The following EXOC6B variants were observed in gnomAD, a reference collection of about 807,000 sequenced individuals.
EXOC6B encodes exocyst complex component 6B.
In EXOC6B, 54 loss-of-function variants were observed where a neutral mutation model predicts 113.5. The ratio of observed to expected loss-of-function variants is 0.48; its 90% CI spans 0.38 to 0.60. EXOC6B has a LOEUF of 0.60. EXOC6B is among the 20% of genes least tolerant of loss of function. EXOC6B has a pLI of 0.00. For synonymous variants in EXOC6B, 357 were observed against 339.0 expected, an observed-to-expected ratio of 1.05 and a Z score of -0.58; for missense variants, 797 against 977.5, an observed-to-expected ratio of 0.82 and a Z score of 2.46.
At chr2:72,310,850 A>AATAT (rs759804146) in intron 20 of EXOC6B, among the ~76,000 whole-genome samples, 1 of 120,290 alleles carries the variant, frequency 8.3e-6, no homozygotes, top group African/African-American at 4.0e-5. Context: ...TATTTCATTT[A>AATAT]ACACACACAC....
At chr2:72,411,832 A>G (rs185890342) in intron 18 of EXOC6B, among the ~76,000 whole-genome samples, 109 of 152,332 alleles carry the variant, frequency 7.2e-4, no homozygotes, top group Non-Finnish European at 1.3e-3. Context: ...AAAACTGCCT[A>G]AAGAAATGAT....
intron 5 of EXOC6B, among the ~76,000 whole-genome samples, chr2:72,723,486 A>G (rs1380116842): frequency 6.6e-6 from 1 of 152,206 alleles, no homozygotes; most frequent in Non-Finnish European, 1.5e-5. Context: ...ATTCTTTCAC[A>G]GTGATGGTTT....
chr2:72,583,198 G>A (rs1453679424), intron 6 of EXOC6B, among the ~76,000 whole-genome samples: 1 of 152,112 alleles, frequency 6.6e-6, no homozygotes, highest in African/African-American at 2.4e-5. Context: ...CAAGAACTAT[G>A]AGATTATGTA....
chr2:72,763,937 CG>C (rs1682896552), intron 1 of EXOC6B, among the ~76,000 whole-genome samples: 1 of 149,188 alleles, frequency 6.7e-6, no homozygotes. Flanking sequence ...AAAAATTAGC[CG>C]GGTGTGGTGG....
chr2:72,588,986 C>A lies in EXOC6B; in HGVS notation c.670-13318G>T, dbSNP rs938377846. 2.6e-5 allele frequency among the ~76,000 whole-genome samples: 4 copies of A among 151,802 alleles called. No individual in the cohort carries two copies. In the East Asian group the frequency reaches 7.7e-4, roughly 29 times the overall value. ...TTAATTGCACTTACTTGATAGATTTCTTCATAGGAAAGTAAAAAATTAAAA... is the reference window on the plus strand; with the variant it reads ...TTAATTGCACTTACTTGATAGATTTATTCATAGGAAAGTAAAAAATTAAAA... On this transcript the variant is annotated intron_variant, in intron 6 of 21. Coordinates refer to ENST00000272427, the MANE Select transcript of EXOC6B (RefSeq NM_015189.3).
intron 3 of EXOC6B, among the ~76,000 whole-genome samples, chr2:72,731,788 G>A (rs769130547): frequency 8.2e-4 from 125 of 152,108 alleles, no homozygotes; most frequent in Non-Finnish European, 1.6e-3. Flanking sequence ...TATCTGCTTA[G>A]ATACCATGCA....
At chr2:72,232,844 G>A (rs1380654122) in intron 20 of EXOC6B, among the ~76,000 whole-genome samples, 1 of 152,106 alleles carries the variant, frequency 6.6e-6, no homozygotes, top group Non-Finnish European at 1.5e-5. Context: ...GGCTGAGGCG[G>A]GTGGATCACC....
intron 6 of EXOC6B, among the ~76,000 whole-genome samples, chr2:72,694,004 T>A (rs899547407): frequency 1.3e-5 from 2 of 152,198 alleles, no homozygotes; most frequent in Non-Finnish European, 2.9e-5. Context: ...GAGATACTAA[T>A]GTTGTCTACA....
chr2:72,531,170 C>A (rs1304334731), intron 8 of EXOC6B, among the ~76,000 whole-genome samples: 1 of 151,948 alleles, frequency 6.6e-6, no homozygotes, highest in African/African-American at 2.4e-5. Context: ...CCTATGGGTT[C>A]CCTAAATAAC....
rs758603001 is a variant in EXOC6B at position 72,465,058 on chromosome 2, A to G, written c.1980+102T>C. The G allele has an allele frequency of 3.2e-6, 3 of 948,600 alleles. No individual in the cohort carries two copies. In the African/African-American group the frequency reaches 5.0e-5, roughly 16 times the overall value. 58.8% of individuals were successfully genotyped at this position (948,600 alleles called of 1,614,324 possible). A position where few individuals can be genotyped will look rare whatever the true frequency, so the allele number is the denominator to read the frequency against. On this transcript the variant is annotated intron_variant, in intron 18 of 21. Transcript: ENST00000272427. The stretch of plus-strand genomic sequence containing the variant: ...TAGCATGCGCCTTTATATACTGAAA[A>G]TCTTCCTGGGTAGTTACAGCAGAAA...
chr2:72,808,970 T>C (rs1363463232), intron 1 of EXOC6B, among the ~76,000 whole-genome samples: 1 of 151,910 alleles, frequency 6.6e-6, no homozygotes, highest in Non-Finnish European at 1.5e-5. Context: ...GAGGCTGAGG[T>C]GAGATGATCA....
At chr2:72,669,957 C>T (rs1675676151) in intron 6 of EXOC6B, among the ~76,000 whole-genome samples, 1 of 152,158 alleles carries the variant, frequency 6.6e-6, no homozygotes, top group East Asian at 1.9e-4. Context: ...ATATGTTTTG[C>T]ACAGCTTTAA....
chr2:72,698,219 T>C (rs552937046), intron 6 of EXOC6B, among the ~76,000 whole-genome samples: 2 of 152,190 alleles, frequency 1.3e-5, no homozygotes, highest in South Asian at 4.1e-4. Flanking sequence ...GTGGAAGAAA[T>C]AGCCTTAACC....
At chr2:72,712,586 T>C (rs1015116199) in intron 6 of EXOC6B, among the ~76,000 whole-genome samples, 7 of 152,218 alleles carry the variant, frequency 4.6e-5, no homozygotes, top group Non-Finnish European at 1.0e-4. Flanking sequence ...CTGCCTACAG[T>C]TTCCTGCCAT....
At chr2:72,553,210 T>C (rs1392132080) in intron 8 of EXOC6B, among the ~76,000 whole-genome samples, 1 of 151,950 alleles carries the variant, frequency 6.6e-6, no homozygotes, top group African/African-American at 2.4e-5. Context: ...AATTAGAAAA[T>C]AAAGTAGAAA....
At chr2:72,771,827 G>A (rs1460795006) in intron 1 of EXOC6B, among the ~76,000 whole-genome samples, 1 of 151,722 alleles carries the variant, frequency 6.6e-6, no homozygotes, top group Non-Finnish European at 1.5e-5. Context: ...AAAGAAAAGA[G>A]GAAAAATAAA....
intron 6 of EXOC6B, among the ~76,000 whole-genome samples, chr2:72,619,970 C>A (rs1411234147): frequency 6.6e-6 from 1 of 152,226 alleles, no homozygotes; most frequent in Non-Finnish European, 1.5e-5. Context: ...GCAGGCACTG[C>A]CCCAACTGAC....
At chr2:72,348,988 C>T (rs1689494393) in intron 19 of EXOC6B, among the ~76,000 whole-genome samples, 1 of 152,136 alleles carries the variant, frequency 6.6e-6, no homozygotes, top group Admixed American at 6.5e-5. Context: ...GTCTTACAAT[C>T]TGCTAGCAAA....
Position 72,186,398 on chromosome 2 carries a change from C to T in EXOC6B, c.2197-2211G>A, listed in dbSNP as rs146176620. Among the ~76,000 whole-genome samples, 408 of 152,302 alleles carry T rather than the reference C, an allele frequency of 2.7e-3. 5 individuals carry two copies. Among genetic ancestry groups the T allele is most frequent in the Non-Finnish European group, 1.2e-3 (81 of 68,036 alleles). Reference sequence around the variant, plus strand: ...CCACTTTACTTGCTTCCTGGGACCACGACAGGTACTGAGAGTACCCCTTGT... The same window carrying T: ...CCACTTTACTTGCTTCCTGGGACCATGACAGGTACTGAGAGTACCCCTTGT... On this transcript the variant is annotated intron_variant, in intron 20 of 21. Coordinates refer to ENST00000272427, the MANE Select transcript of EXOC6B (RefSeq NM_015189.3).
Sources: gnomAD v4.1 joint callset for allele counts (sites outside exome capture counted in the v4.1 genomes callset) on GRCh38, gnomAD v4.1.1 for gene constraint, MANE v1.5 for transcripts, NCBI Gene and HGNC (gene_info 2026-07-23, HGNC 2026-07-21) for gene names.